RERE: variants seen among roughly 807,000 people sequenced by gnomAD.
RERE encodes the protein arginine-glutamic acid dipeptide repeats, also known as arginine-glutamic acid dipeptide repeats protein.
Under a neutral mutation model 146.1 loss-of-function variants are expected in RERE, and 40 were observed. That is an observed-to-expected ratio of 0.27 (90% CI 0.21 to 0.36). The LOEUF is 0.36. Ranked by LOEUF, RERE falls within the 10% of genes least tolerant of loss-of-function variation. The probability of loss-of-function intolerance (pLI) is 1.00; values close to 1 mark genes in which losing one functional copy is unlikely to be tolerated. For missense variants in RERE, 1,933 were observed against 2,138.7 expected, an observed-to-expected ratio of 0.90 and a Z score of 1.90; for synonymous variants, 1,003 against 866.0, an observed-to-expected ratio of 1.16 and a Z score of -2.78.
chr1:8,640,675 T>C (rs1448916559), intron 2 of RERE, among the ~76,000 whole-genome samples: 1 of 152,194 alleles, frequency 6.6e-6, no homozygotes, highest in East Asian at 1.9e-4. Context: ...ATTTAATGCA[T>C]ATATAATGAC....
chr1:8,488,137 G>GT (rs1306426543), intron 10 of RERE, among the ~76,000 whole-genome samples: 1 of 150,086 alleles, frequency 6.7e-6, no homozygotes, highest in Non-Finnish European at 1.5e-5. Context: ...GAGAAATATC[G>GT]TATTTATGGA....
intron 1 of RERE, among the ~76,000 whole-genome samples, chr1:8,760,290 G>A (rs995460725): frequency 5.9e-5 from 9 of 152,262 alleles, no homozygotes; most frequent in African/African-American, 2.2e-4. Flanking sequence ...GCCTCCCAAA[G>A]TGCAGGGATT....
At chr1:8,564,120 G>A (rs1646110756) in intron 4 of RERE, among the ~76,000 whole-genome samples, 1 of 152,204 alleles carries the variant, frequency 6.6e-6, no homozygotes, top group African/African-American at 2.4e-5. Flanking sequence ...TGGGGACACA[G>A]TCATAATGGC....
At chr1:8,427,232 G>A (rs1644027018) in intron 11 of RERE, among the ~76,000 whole-genome samples, 1 of 152,074 alleles carries the variant, frequency 6.6e-6, no homozygotes, top group Non-Finnish European at 1.5e-5. Flanking sequence ...AAAGCCAGAA[G>A]GTCCATTTTG....
At chr1:8,629,098 A>G (rs1570535818) in intron 2 of RERE, among the ~76,000 whole-genome samples, 1 of 152,224 alleles carries the variant, frequency 6.6e-6, no homozygotes. Context: ...TATATTTTTT[A>G]AATCTTCAAA....
chr1:8,541,385 G>A, intron 6 of RERE, 67 bp from the exon 7 acceptor site: 1 of 937,548 alleles, frequency 1.1e-6, no homozygotes, highest in East Asian at 2.4e-5. Context: ...AACTGGAGGG[G>A]GAAGGGTGGA....
intron 1 of RERE, among the ~76,000 whole-genome samples, chr1:8,778,615 T>C (rs896783769): frequency 1.3e-5 from 2 of 152,184 alleles, no homozygotes; most frequent in East Asian, 3.9e-4. Flanking sequence ...GGCAGAAGGA[T>C]CACTTGAGCC....
intron 2 of RERE, among the ~76,000 whole-genome samples, chr1:8,633,207 G>A (rs1299185516): frequency 2.0e-5 from 3 of 152,098 alleles, no homozygotes; most frequent in Non-Finnish European, 1.5e-5. Context: ...ATCACTTCAG[G>A]TCAGAAGTTC....
chr1:8,584,890 G>A lies in RERE; in HGVS notation c.523-27367C>T, dbSNP rs142089361. Reference sequence around the variant, plus strand: ...AGTCCAGGCCCAGTGGCTCACCCTTGTAATCCCAGCACTTAAGGAGGCCAA... The same window carrying A: ...AGTCCAGGCCCAGTGGCTCACCCTTATAATCCCAGCACTTAAGGAGGCCAA... On this transcript the variant is annotated intron_variant, in intron 4 of 22. Transcript: ENST00000400908. Among the ~76,000 whole-genome samples the A allele has an allele frequency of 5.6e-4, 85 of 152,296 alleles. 1 individual carries two copies. Among genetic ancestry groups the A allele is most frequent in the Middle Eastern group, 3.4e-3 (1 of 294 alleles).
At chr1:8,658,235 G>A (rs1435463881) in intron 1 of RERE, among the ~76,000 whole-genome samples, 4 of 152,112 alleles carry the variant, frequency 2.6e-5, no homozygotes, top group African/African-American at 9.7e-5. Flanking sequence ...AATACTATGT[G>A]CCAAGTGTTA....
At chr1:8,511,549 G>A (rs1269835533) in intron 7 of RERE, among the ~76,000 whole-genome samples, 1 of 152,122 alleles carries the variant, frequency 6.6e-6, no homozygotes, top group Non-Finnish European at 1.5e-5. Context: ...GTACTTTTTA[G>A]GTCCAAGATA....
At chr1:8,726,750 T>C (rs1185925156) in intron 1 of RERE, among the ~76,000 whole-genome samples, 1 of 152,206 alleles carries the variant, frequency 6.6e-6, no homozygotes, top group Non-Finnish European at 1.5e-5. Context: ...TTAATTCTAA[T>C]CATAAGACTC....
chr1:8,400,077 G>A (rs916119149), intron 12 of RERE, among the ~76,000 whole-genome samples: 1 of 151,858 alleles, frequency 6.6e-6, no homozygotes, highest in African/African-American at 2.4e-5. Flanking sequence ...GTGGTCCATA[G>A]GAATACTACC....
intron 1 of RERE, among the ~76,000 whole-genome samples, chr1:8,756,224 C>A (rs182294014): frequency 6.6e-6 from 1 of 152,130 alleles, no homozygotes; most frequent in Non-Finnish European, 1.5e-5. Context: ...ATAATTCTTA[C>A]AAGCAACTAA....
chr1:8,769,174 T>C (rs1266554670), intron 1 of RERE, among the ~76,000 whole-genome samples: 1 of 152,152 alleles, frequency 6.6e-6, no homozygotes, highest in African/African-American at 2.4e-5. Context: ...TACCCAATGA[T>C]TTGAGTAAAA....
rs1236199680 is a variant in RERE, at chr1:8,556,564, T to C, written c.636A>G (p.Gly212=). Residue 212 remains glycine, a synonymous_variant, in exon 6 of 23, where the codon GGA becomes GGG. Coordinates refer to ENST00000400908, the MANE Select transcript of RERE (RefSeq NM_001042681.2). ...CTGGGTCTGTAATGACAAGTTCTCTTCCAGAGTCTGTCAAAAAATTAATTA... is the reference window on the plus strand; with the variant it reads ...CTGGGTCTGTAATGACAAGTTCTCTCCCAGAGTCTGTCAAAAAATTAATTA... ...VQDRHNENDS[G]RELVITDPVI... 7 of 1,595,274 alleles carry C rather than the reference T, an allele frequency of 4.4e-6. No individual in the cohort carries two copies. The highest frequency in any genetic ancestry group is 6.0e-6 in the Non-Finnish European group (7 of 1,163,562).
chr1:8,401,001 C>G (rs1932527), intron 12 of RERE, among the ~76,000 whole-genome samples: 77,870 of 109,270 alleles, frequency 0.71, 27,634 homozygotes, highest in East Asian at 0.93. Context: ...CTGGGTGACA[C>G]AGTGAGACTC....
At chr1:8,649,652 C>T (rs899656991) in intron 2 of RERE, among the ~76,000 whole-genome samples, 17 of 151,602 alleles carry the variant, frequency 1.1e-4, no homozygotes, top group Admixed American at 1.1e-3. Flanking sequence ...ATCACTTGAA[C>T]CCAGGAGGCG....
chr1:8,495,208 G>T, intron 9 of RERE, 46 bp from the exon 10 acceptor site: 1 of 1,397,724 alleles, frequency 7.2e-7, no homozygotes, highest in Non-Finnish European at 1.0e-6. Flanking sequence ...AGTAATATCA[G>T]GACAGAGACT....
Sources: allele counts gnomAD v4.1 joint callset (sites outside exome capture counted in the v4.1 genomes callset), GRCh38; gene constraint gnomAD v4.1.1; transcripts MANE v1.5; gene names NCBI Gene and HGNC (gene_info 2026-07-23, HGNC 2026-07-21).